SGCZ: variants seen among roughly 807,000 people sequenced by gnomAD.
The protein encoded by SGCZ is zeta-sarcoglycan.
SGCZ carries 40 observed loss-of-function variants against 41.3 expected under a neutral mutation model. The observed-to-expected ratio is 0.97, with a 90% confidence interval of 0.75 to 1.26. The LOEUF is 1.26. Among genes scored for constraint, SGCZ ranks in the 50% most tolerant of loss-of-function variants. The pLI is 0.00. For synonymous variants in SGCZ, 206 were observed against 137.5 expected, an observed-to-expected ratio of 1.50 and a Z score of -3.49; for missense variants, 552 against 369.8, an observed-to-expected ratio of 1.49 and a Z score of -4.04.
chr8:14,687,272 C>A (rs1207516819), intron 1 of SGCZ, among the ~76,000 whole-genome samples: 1 of 150,584 alleles, frequency 6.6e-6, no homozygotes, highest in East Asian at 1.9e-4. Context: ...TATACTTGTG[C>A]CATGTTGGTG....
At chr8:14,453,995 A>C (rs1181456470) in intron 2 of SGCZ, among the ~76,000 whole-genome samples, 1 of 152,170 alleles carries the variant, frequency 6.6e-6, no homozygotes, top group African/African-American at 2.4e-5. Flanking sequence ...GTGACACAAA[A>C]AAAAAATAAT....
chr8:14,500,422 A>G (rs1802117145), intron 2 of SGCZ, among the ~76,000 whole-genome samples: 1 of 143,546 alleles, frequency 7.0e-6, no homozygotes, highest in African/African-American at 2.5e-5. Context: ...ATCTAAACAA[A>G]AGTTTGTCTT....
At chr8:14,356,789 G>A (rs1202257940) in intron 2 of SGCZ, among the ~76,000 whole-genome samples, 2 of 151,866 alleles carry the variant, frequency 1.3e-5, no homozygotes, top group Non-Finnish European at 2.9e-5. Context: ...AATAATACTA[G>A]GTAGGGCCAA....
chr8:14,445,229 T>C (rs556105951), intron 2 of SGCZ, among the ~76,000 whole-genome samples: 1 of 152,334 alleles, frequency 6.6e-6, no homozygotes, highest in South Asian at 2.1e-4. Flanking sequence ...CAAGCCAAAG[T>C]AGCCTGAAAC....
At chr8:14,994,119 T>C (rs1371393925) in intron 1 of SGCZ, among the ~76,000 whole-genome samples, 1 of 152,212 alleles carries the variant, frequency 6.6e-6, no homozygotes, top group Non-Finnish European at 1.5e-5. Flanking sequence ...TTTAGTTCAT[T>C]CATTTCTGTC....
chr8:14,405,289 T>C (rs12550735), intron 2 of SGCZ, among the ~76,000 whole-genome samples: 29,622 of 152,230 alleles, frequency 0.19, 3,613 homozygotes, highest in Non-Finnish European at 0.28. Context: ...TTAAGCTTTA[T>C]ATGTTATTTT....
Position 14,752,102 on chromosome 8 carries a change from CG to C in SGCZ, c.40-197177del, listed in dbSNP as rs1799516363. On this transcript the variant is annotated intron_variant, in intron 1 of 7. Transcript: ENST00000382080. Reference sequence around the variant, plus strand: ...CTATTTAGCAACAGAGCCAAAATACCGAAAACAAAAGAAAACAAAACAAAAA... The same window carrying C: ...CTATTTAGCAACAGAGCCAAAATACCAAAACAAAAGAAAACAAAACAAAAA... 3.6e-5 allele frequency among the ~76,000 whole-genome samples: 4 copies of C among 109,644 alleles called. No homozygotes were observed. The South Asian group carries it at 8.4e-4, about 23-fold the overall frequency. The allele number at this position is 109,644 out of a possible 152,430, so 71.9% of individuals were successfully genotyped here. A position where few individuals can be genotyped will look rare whatever the true frequency, so the allele number is the denominator to read the frequency against.
intron 1 of SGCZ, among the ~76,000 whole-genome samples, chr8:15,113,207 C>CAAAAAAA (rs59453647): frequency 1.2e-4 from 15 of 128,178 alleles, no homozygotes; most frequent in African/African-American, 3.5e-4. Flanking sequence ...AGACCTGGCT[C>CAAAAAAA]AAAAAAAAAA....
chr8:14,166,003 A>G (rs1804197912), intron 4 of SGCZ, among the ~76,000 whole-genome samples: 1 of 152,158 alleles, frequency 6.6e-6, no homozygotes, highest in Non-Finnish European at 1.5e-5. Context: ...ATCAAGAGAA[A>G]AAATAATTTA....
intron 1 of SGCZ, among the ~76,000 whole-genome samples, chr8:15,064,300 C>T (rs1405421834): frequency 2.6e-5 from 4 of 152,110 alleles, no homozygotes; most frequent in Non-Finnish European, 4.4e-5. Flanking sequence ...TCTAGCATGC[C>T]ATATCACTAT....
chr8:14,239,853 G>GATCCC (rs1432684635), intron 3 of SGCZ, among the ~76,000 whole-genome samples: 1 of 119,668 alleles, frequency 8.4e-6, no homozygotes, highest in African/African-American at 3.3e-5. Flanking sequence ...AGTGAGCCGA[G>GATCCC]ATCCCACCAC....
At chr8:14,141,837 A>C (rs1803380281) in intron 5 of SGCZ, among the ~76,000 whole-genome samples, 1 of 152,204 alleles carries the variant, frequency 6.6e-6, no homozygotes, top group Non-Finnish European at 1.5e-5. Flanking sequence ...AAAGATTATA[A>C]AACATGTTGC....
chr8:14,225,137 T>C (rs547572343), intron 4 of SGCZ, among the ~76,000 whole-genome samples: 152 of 152,268 alleles, frequency 1.0e-3, no homozygotes, highest in African/African-American at 3.4e-3. Context: ...CTTGCATTCA[T>C]CTCTTTCCTC....
At chr8:14,621,550 G>C (rs1806285968) in intron 1 of SGCZ, among the ~76,000 whole-genome samples, 1 of 152,092 alleles carries the variant, frequency 6.6e-6, no homozygotes, top group South Asian at 2.1e-4. Context: ...TTGACTCCCA[G>C]TTCTGCATGC....
intron 1 of SGCZ, among the ~76,000 whole-genome samples, chr8:15,097,274 C>A (rs1368074941): frequency 6.6e-6 from 1 of 152,060 alleles, no homozygotes; most frequent in Non-Finnish European, 1.5e-5. Flanking sequence ...TGTAGAATGC[C>A]TTTATAATCT....
intron 4 of SGCZ, among the ~76,000 whole-genome samples, chr8:14,232,005 A>G (rs1806588425): frequency 6.6e-6 from 1 of 152,026 alleles, no homozygotes; most frequent in African/African-American, 2.4e-5. Flanking sequence ...TTTAAAAAGG[A>G]AGTTATTTCA....
In SGCZ at chr8:14,759,035, G is replaced by C. The variant is rs867088320; in HGVS notation, c.40-204109C>G. The stretch of plus-strand genomic sequence containing the variant: ...AAAAAAAAAAAAAAAATTCTTTACA[G>C]TCAAATTCCAAGTAATATTTCAGTA... On this transcript the variant is annotated intron_variant, in intron 1 of 7. Coordinates refer to ENST00000382080, the MANE Select transcript of SGCZ (RefSeq NM_139167.4). Among the ~76,000 whole-genome samples, 5 of 151,486 alleles carry C rather than the reference G, an allele frequency of 3.3e-5. No individual in the cohort carries two copies. The South Asian group carries it at 1.0e-3, about 32-fold the overall frequency.
At chr8:14,158,123 C>A (rs2116969260) in intron 5 of SGCZ, among the ~76,000 whole-genome samples, 1 of 151,770 alleles carries the variant, frequency 6.6e-6, no homozygotes, top group African/African-American at 2.4e-5. Context: ...CTCATCAAAA[C>A]CCTATGTGGT....
intron 1 of SGCZ, among the ~76,000 whole-genome samples, chr8:14,611,470 G>A (rs10088409): frequency 0.2 from 29,672 of 151,948 alleles, 2,956 homozygotes; most frequent in Admixed American, 0.21. Flanking sequence ...CCATTTTATC[G>A]GTCTCAGTGC....
Sources: allele counts gnomAD v4.1 joint callset (sites outside exome capture counted in the v4.1 genomes callset), GRCh38; gene constraint gnomAD v4.1.1; transcripts MANE v1.5; gene names NCBI Gene and HGNC (gene_info 2026-07-23, HGNC 2026-07-21).